KIF9: variants seen among roughly 807,000 people sequenced by gnomAD.
KIF9 encodes the protein kinesin-like protein KIF9.
KIF9 carries 68 observed loss-of-function variants against 94.8 expected under a neutral mutation model. The observed-to-expected ratio is 0.72, with a 90% CI of 0.59 to 0.88. KIF9 has a LOEUF of 0.88. Among genes scored for constraint, KIF9 ranks in the 40% least tolerant of loss-of-function variants. KIF9 has a pLI of 0.00. For missense variants in KIF9, 882 were observed against 982.5 expected (o/e 0.90, Z 1.37); for synonymous variants, 343 against 362.1 (o/e 0.95, Z 0.60).
intron 15 of KIF9, chr3:47,243,480 T>C (rs1699721255): frequency 2.7e-6 from 1 of 376,596 alleles, no homozygotes; most frequent in Admixed American, 4.1e-5. Flanking sequence ...TCGGTGGTCT[T>C]GGCAGGAGAC....
intron 16 of KIF9, among the ~76,000 whole-genome samples, chr3:47,241,884 A>ATATAT (rs1387311165): frequency 1.7e-5 from 2 of 114,290 alleles, no homozygotes; most frequent in African/African-American, 7.2e-5. Flanking sequence ...ATATATATAT[A>ATATAT]TTTTTTTTTT....
chr3:47,271,851 G>A (rs562362542), intron 4 of KIF9, among the ~76,000 whole-genome samples: 2 of 152,264 alleles, frequency 1.3e-5, no homozygotes, highest in South Asian at 4.1e-4. Flanking sequence ...GCCGGGTGTG[G>A]TGGCTCACAC....
chr3:47,282,389 G>A (rs1702444111), intron 1 of KIF9, 106 bp downstream of exon 1: 2 of 986,232 alleles, frequency 2.0e-6, no homozygotes, highest in Admixed American at 6.1e-5. Context: ...GACCCAGCTG[G>A]GAACCCCCAG....
chr3:47,246,249 T>C lies in KIF9; in HGVS notation c.1237A>G (p.Ile413Val), dbSNP rs768727653. 6.2e-7 allele frequency: 1 copy of C among 1,610,982 alleles called. No individual in the cohort carries two copies. The highest frequency in any genetic ancestry group is 8.5e-7 in the Non-Finnish European group (1 of 1,178,480). ...ACCTCCTTGATCTGTCTAAGGCTGATTATCTGGAGGGAAGACAGCAAGGCA... is the reference window on the plus strand; with the variant it reads ...ACCTCCTTGATCTGTCTAAGGCTGACTATCTGGAGGGAAGACAGCAAGGCA... ...LEGTLDEIDI[I>V]SLRQIKEVFN... Residue 413 changes from isoleucine (I) to valine (V), a missense_variant, in exon 13 of 21, where the codon ATC (isoleucine) becomes GTC (valine). Coordinates refer to ENST00000684063, the MANE Select transcript of KIF9 (RefSeq NM_182902.4).
rs1188852673 is a variant in KIF9, at chr3:47,257,552, T to C, written c.990A>G (p.Ser330=). The C allele has an allele frequency of 1.2e-6, 2 of 1,613,300 alleles. No homozygotes were observed. The highest frequency in any genetic ancestry group is 1.3e-5 in the African/African-American group (1 of 74,916). ...GCTTCATCCTGCTGGCAAATCTCAG[T>C]GAAGATAGCTGCAAAACAGAGCAGG... is the stretch of plus-strand genomic sequence containing the variant. ...EAAQLEETLS[S]LRFASRMKLV... The change falls in exon 10 of 21, where the codon TCA becomes TCG. Residue 330 remains serine (S), a synonymous_variant. Transcript: ENST00000684063.
chr3:47,265,779 G>A lies in KIF9; in HGVS notation c.867C>T (p.His289=), dbSNP rs1202955583. The change falls in exon 8 of 21, where the codon CAC becomes CAT. Residue 289 remains histidine, a synonymous_variant. Transcript: ENST00000684063. ...TGAGCTTGCACTGCCGAAAGGGGAT[G>A]TGGTCCCGCTTCTGGTCCCCAAGGG... ...IIALGDQKRD[H]IPFRQCKLTH... 2 of 1,614,192 alleles carry A rather than the reference G, an allele frequency of 1.2e-6. No homozygotes were observed. Among genetic ancestry groups the A allele is most frequent in the Non-Finnish European group, 1.7e-6 (2 of 1,180,040 alleles).
Position 47,236,108 on chromosome 3 carries a change from C to T in KIF9, c.2143G>A (p.Asp715Asn), listed in dbSNP as rs1195325409. The T allele has an allele frequency of 1.2e-6, 2 of 1,614,178 alleles. No individual in the cohort carries two copies. Among genetic ancestry groups the T allele is most frequent in the Admixed American group, 1.7e-5 (1 of 60,020 alleles). ...WYNESFVIPE[D>N]MQMALKPGGS... is the part of the protein sequence containing the mutation. ...CCTGGCTTCAGTGCCATCTGCATGT[C>T]CTCAGGGATGACAAAGGACTCATTG... Residue 715 changes from aspartate (D) to asparagine (N), a missense_variant, in exon 19 of 21, where the codon GAC (aspartate) becomes AAC (asparagine). Transcript: ENST00000684063.
At chr3:47,239,057 G>A (rs905081545) in intron 17 of KIF9, among the ~76,000 whole-genome samples, 17 of 152,170 alleles carry the variant, frequency 1.1e-4, no homozygotes, top group African/African-American at 4.1e-4. Context: ...AATTACCTGG[G>A]CATGGTGGCG....
intron 16 of KIF9, 49 bp from the exon 17 acceptor site, chr3:47,241,064 T>A: frequency 6.0e-6 from 9 of 1,511,078 alleles, no homozygotes; most frequent in Non-Finnish European, 7.4e-6. Context: ...GTGGCTGCCT[T>A]GGAGCCACCA....
Position 47,277,362 on chromosome 3 carries a change from T to C in KIF9, c.13A>G (p.Lys5Glu). Reference protein sequence around the residue: MGTRKKVHAFVRVKP... With the variant: MGTREKVHAFVRVKP... ...ACACGGACAAATGCATGAACTTTTT[T>C]CCTAGTACCCATTCTAGCTAAAAAG... Residue 5 changes from lysine to glutamate, a missense_variant, in exon 2 of 21, where the codon AAA becomes GAA. Physicochemically the swap from Lys to Glu is moderately conservative, Grantham distance 56 (BLOSUM62 1). Transcript: ENST00000684063. 2 of 1,613,460 alleles carry C rather than the reference T, an allele frequency of 1.2e-6. No individual in the cohort carries two copies. Among genetic ancestry groups the C allele is most frequent in the South Asian group, 1.1e-5 (1 of 90,994 alleles).
chr3:47,273,206 A>C (rs1052122724), intron 4 of KIF9, among the ~76,000 whole-genome samples: 2 of 152,170 alleles, frequency 1.3e-5, no homozygotes, highest in Admixed American at 1.3e-4. Flanking sequence ...CCCCTCATTA[A>C]AACCAGGAAA....
rs1701640534 is a variant in KIF9, at chr3:47,271,430, T to A, written c.398A>T (p.His133Leu). ...VFRMIEERPTHAITVRVSYLE... is the reference protein window; with the variant it reads ...VFRMIEERPTLAITVRVSYLE... ...GTAGGAAACACGCACAGTGATGGCA[T>A]GTGTGGGGCGTTCTTCGATCATCCT... The change falls in exon 5 of 21, where the codon CAT becomes CTT. Residue 133 changes from histidine (H) to leucine (L), a missense_variant. Coordinates refer to ENST00000684063, the MANE Select transcript of KIF9 (RefSeq NM_182902.4). 6.2e-7 allele frequency: 1 copy of A among 1,614,090 alleles called. No individual in the cohort carries two copies. Among genetic ancestry groups the A allele is most frequent in the Non-Finnish European group, 8.5e-7 (1 of 1,179,996 alleles).
chr3:47,246,180 G>C lies in KIF9; in HGVS notation c.1289+17C>G. 6.2e-7 allele frequency: 1 copy of C among 1,609,392 alleles called. No homozygotes were observed. Among genetic ancestry groups the C allele is most frequent in the Non-Finnish European group, 8.5e-7 (1 of 1,176,240 alleles). On this transcript the variant is annotated intron_variant, in intron 13 of 20. Transcript: ENST00000684063. ...GCAGCCTGATGTAGGAATGAGGTAGGGGTGGGGGTCTCTCACCTCAGAACC... is the reference window on the plus strand; with the variant it reads ...GCAGCCTGATGTAGGAATGAGGTAGCGGTGGGGGTCTCTCACCTCAGAACC...
chr3:47,247,163 G>A (rs553383997), intron 12 of KIF9, among the ~76,000 whole-genome samples: 7 of 152,332 alleles, frequency 4.6e-5, no homozygotes, highest in African/African-American at 1.7e-4. Flanking sequence ...GCTGAGCTGG[G>A]ATTCAATCCT....
At chr3:47,238,962 C>T (rs548569857) in intron 17 of KIF9, among the ~76,000 whole-genome samples, 206 of 152,282 alleles carry the variant, frequency 1.4e-3, no homozygotes, top group African/African-American at 4.5e-3. Context: ...CGCGCCCAGC[C>T]GAAAATCGGG....
chr3:47,271,516 G>A, intron 4 of KIF9, 55 bp from the exon 5 acceptor site: 1 of 1,295,498 alleles, frequency 7.7e-7, no homozygotes, highest in Non-Finnish European at 1.1e-6. Context: ...CAGCCAACTA[G>A]CATAAGGGGG....
At position 47,277,296 on chromosome 3, in the gene KIF9, C is replaced by G. The variant is rs770336839; in HGVS notation, c.79G>C (p.Gly27Arg). Residue 27 changes from glycine to arginine, a missense_variant, in exon 2 of 21, where the codon GGA becomes CGA. Gly to Arg is a moderately radical substitution (Grantham distance 125). Coordinates refer to ENST00000684063, the MANE Select transcript of KIF9 (RefSeq NM_182902.4). ...DDFAHEMIRY[G>R]DDKRSIDIHL... ...ATCGCACTTACTCTTTTGTCATCTC[C>G]GTATCTGATCATTTCATGAGCAAAG... is the stretch of plus-strand genomic sequence containing the variant. The G allele has an allele frequency of 1.2e-6, 2 of 1,613,666 alleles. No homozygotes were observed. The highest frequency in any genetic ancestry group is 2.2e-5 in the South Asian group (2 of 91,046).
At chr3:47,231,179 G>T (rs1181686413) in intron 20 of KIF9, among the ~76,000 whole-genome samples, 1 of 151,942 alleles carries the variant, frequency 6.6e-6, no homozygotes, top group Non-Finnish European at 1.5e-5. Flanking sequence ...AGAAAAGGGA[G>T]GCAGTATGCA....
intron 17 of KIF9, chr3:47,239,652 A>G (rs748649098): frequency 1.2e-5 from 13 of 1,082,850 alleles, no homozygotes; most frequent in Non-Finnish European, 1.5e-5. Context: ...CAGTGGCGCA[A>G]TCTTGCCTCA....
Sources: allele counts gnomAD v4.1 joint callset (sites outside exome capture counted in the v4.1 genomes callset), GRCh38; gene constraint gnomAD v4.1.1; transcripts MANE v1.5; gene names NCBI Gene and HGNC (gene_info 2026-07-23, HGNC 2026-07-21).